PLD1: variants seen among roughly 807,000 people sequenced by gnomAD.
The protein encoded by PLD1 is choline phosphatase 1.
Under a neutral mutation model 137.1 loss-of-function variants are expected in PLD1, and 112 were observed. The observed-to-expected ratio is 0.82, with a 90% CI of 0.70 to 0.96. The LOEUF is 0.96. PLD1 is among the 40% of genes least tolerant of loss of function. The pLI, the probability that PLD1 is intolerant of heterozygous loss-of-function variation, is 0.00. For missense variants in PLD1, 1,321 were observed against 1,342.0 expected, an observed-to-expected ratio of 0.98 and a Z score of 0.24; for synonymous variants, 431 against 454.7, an observed-to-expected ratio of 0.95 and a Z score of 0.66.
At chr3:171,779,804 T>A (rs1373781640) in intron 1 of PLD1, among the ~76,000 whole-genome samples, 1 of 151,798 alleles carries the variant, frequency 6.6e-6, no homozygotes, top group Non-Finnish European at 1.5e-5. Context: ...TACATAAGTC[T>A]GAGATTCAGG....
intron 16 of PLD1, 98 bp from the exon 17 acceptor site, chr3:171,677,792 ATTTC>A: frequency 5.0e-6 from 6 of 1,206,938 alleles, no homozygotes; most frequent in Non-Finnish European, 5.9e-6. Flanking sequence ...AAGCTTCTTA[ATTTC>A]TTAAGACACA....
At chr3:171,774,391 C>T (rs1208528779) in intron 1 of PLD1, among the ~76,000 whole-genome samples, 2 of 152,064 alleles carry the variant, frequency 1.3e-5, no homozygotes, top group African/African-American at 4.8e-5. Context: ...AAAGGGTAAA[C>T]GGGGTGGGGG....
chr3:171,626,406 G>C (rs1049867094), intron 23 of PLD1, among the ~76,000 whole-genome samples: 26 of 152,162 alleles, frequency 1.7e-4, no homozygotes, highest in Admixed American at 9.8e-4. Flanking sequence ...AGGGAGAATG[G>C]AACCAAGTTG....
intron 25 of PLD1, among the ~76,000 whole-genome samples, chr3:171,611,115 C>T (rs1339264637): frequency 6.6e-6 from 1 of 152,208 alleles, no homozygotes; most frequent in Admixed American, 6.5e-5. Context: ...CCCGAAAGGG[C>T]ATAACGCACT....
At chr3:171,703,122 G>T (rs775386403) in intron 11 of PLD1, among the ~76,000 whole-genome samples, 1 of 151,944 alleles carries the variant, frequency 6.6e-6, no homozygotes, top group African/African-American at 2.4e-5. Flanking sequence ...AACAAATGCA[G>T]AAGAAATGAT....
At chr3:171,754,857 G>T (rs1720905712) in intron 1 of PLD1, among the ~76,000 whole-genome samples, 2 of 152,218 alleles carry the variant, frequency 1.3e-5, no homozygotes, top group South Asian at 4.1e-4. Context: ...ATTAAAACCA[G>T]GAAATCTCCA....
intron 1 of PLD1, chr3:171,764,994 GAAAGAA>G (rs1721871474): frequency 2.2e-5 from 3 of 139,120 alleles, no homozygotes; most frequent in African/African-American, 8.0e-5. Flanking sequence ...AAGAAAGAAA[GAAAGAA>G]AGAAAGAGAA....
chr3:171,710,275 A>G (rs538913279), intron 9 of PLD1, among the ~76,000 whole-genome samples: 1 of 151,988 alleles, frequency 6.6e-6, no homozygotes, highest in East Asian at 1.9e-4. Context: ...GTTAGCCAGG[A>G]TGGTCTCGAT....
intron 3 of PLD1, among the ~76,000 whole-genome samples, chr3:171,737,045 C>T (rs1441771303): frequency 6.6e-6 from 1 of 152,218 alleles, no homozygotes; most frequent in African/African-American, 2.4e-5. Flanking sequence ...AGAATTCTCT[C>T]AACAGTATTT....
chr3:171,795,950 T>C (rs1723416719), intron 1 of PLD1, among the ~76,000 whole-genome samples: 1 of 152,238 alleles, frequency 6.6e-6, no homozygotes, highest in African/African-American at 2.4e-5. Flanking sequence ...TATTCTAGTT[T>C]TGAGAGTCTA....
intron 1 of PLD1, among the ~76,000 whole-genome samples, chr3:171,804,707 C>T (rs989531633): frequency 6.6e-6 from 1 of 152,194 alleles, no homozygotes; most frequent in Admixed American, 6.5e-5. Context: ...CTAAGAGTTC[C>T]CTTGTATCTT....
intron 1 of PLD1, among the ~76,000 whole-genome samples, chr3:171,748,659 T>C (rs1360571354): frequency 6.6e-6 from 1 of 152,008 alleles, no homozygotes; most frequent in Admixed American, 6.6e-5. Context: ...GCCATCTATG[T>C]AATTACTAAA....
chr3:171,711,167 CTTTTTTT>C (rs562934959), intron 9 of PLD1, among the ~76,000 whole-genome samples: 10 of 94,808 alleles, frequency 1.1e-4, no homozygotes, highest in Non-Finnish European at 1.4e-4. Flanking sequence ...CTGTGCCAGC[CTTTTTTT>C]TTTTTTTTTT....
intron 1 of PLD1, among the ~76,000 whole-genome samples, chr3:171,804,105 A>G (rs899604704): frequency 1.3e-5 from 2 of 152,102 alleles, no homozygotes; most frequent in African/African-American, 4.8e-5. Context: ...CCCTTTGGTT[A>G]AATTTCTCAC....
chr3:171,626,137 C>G (rs1361863906), intron 23 of PLD1, among the ~76,000 whole-genome samples: 2 of 152,040 alleles, frequency 1.3e-5, no homozygotes, highest in African/African-American at 4.8e-5. Flanking sequence ...CTGGAATAAC[C>G]AATACAGAGA....
intron 19 of PLD1, among the ~76,000 whole-genome samples, chr3:171,670,014 G>C (rs1039065215): frequency 6.6e-6 from 1 of 152,152 alleles, no homozygotes; most frequent in Non-Finnish European, 1.5e-5. Flanking sequence ...GTTACATTAT[G>C]AACAGTCAAC....
rs765460828 is a variant in PLD1, at chr3:171,737,961, G to A, written c.91C>T (p.Arg31Trp). The change falls in exon 2 of 27, where the codon CGG becomes TGG. Residue 31 changes from arginine (R) to tryptophan (W), a missense_variant. Transcript: ENST00000351298. ...TCCTCTCCCTCAAAGTGGAGTTCCC[G>A]CGTGTCCAGATTTTCTATGATATTA... ...MSNIIENLDT[R>W]ELHFEGEEVD... The A allele has an allele frequency of 1.4e-5, 23 of 1,613,766 alleles. No homozygotes were observed. Among genetic ancestry groups the A allele is most frequent in the East Asian group, 8.9e-5 (4 of 44,892 alleles).
chr3:171,681,647 T>C (rs898371119), intron 16 of PLD1, among the ~76,000 whole-genome samples: 48 of 152,350 alleles, frequency 3.2e-4, no homozygotes, highest in Admixed American at 2.2e-3. Context: ...TAAGGGTTTG[T>C]AGACCTGTAT....
At chr3:171,696,779 C>T (rs1304044939) in intron 12 of PLD1, among the ~76,000 whole-genome samples, 1 of 151,810 alleles carries the variant, frequency 6.6e-6, no homozygotes, top group Non-Finnish European at 1.5e-5. Context: ...AGAGCAACTC[C>T]GCTAAATGTA....
Sources: allele counts gnomAD v4.1 joint callset (sites outside exome capture counted in the v4.1 genomes callset), GRCh38; gene constraint gnomAD v4.1.1; transcripts MANE v1.5; gene names NCBI Gene and HGNC (gene_info 2026-07-23, HGNC 2026-07-21).